PCYOX1: variants seen among roughly 807,000 people sequenced by gnomAD.
PCYOX1 encodes the protein prenylcysteine oxidase 1.
A neutral mutation model predicts 46.4 loss-of-function variants in PCYOX1; 46 were observed. That is an observed-to-expected ratio of 0.99 (90% CI 0.78 to 1.27). The LOEUF is 1.27. PCYOX1 is among the 50% of genes most tolerant of loss of function. The pLI, the probability that PCYOX1 is intolerant of heterozygous loss-of-function variation, is 0.00. For missense variants in PCYOX1, 658 were observed against 628.3 expected (o/e 1.05, Z -0.51); for synonymous variants, 220 against 231.8 (o/e 0.95, Z 0.46).
intron 4 of PCYOX1, 77 bp downstream of exon 4, chr2:70,275,247 T>C (rs1696654167): frequency 8.7e-6 from 11 of 1,258,442 alleles, no homozygotes; most frequent in Non-Finnish European, 1.2e-5. Flanking sequence ...TTCCTGACTT[T>C]AGGCTGTGGA....
rs759465610 is a variant in PCYOX1 at position 70,277,187 on chromosome 2, A to C, written c.1313A>C (p.His438Pro). Residue 438 changes from histidine to proline, a missense_variant, in exon 6 of 6, where the codon CAC (histidine) becomes CCC (proline). Transcript: ENST00000433351. ...AAGAAGCCATGGCTTGCATATCCTC[A>C]CTATAAGCCCCCGGAGAAATGCCCC... ...AVKKPWLAYP[H>P]YKPPEKCPSI... is the part of the protein sequence containing the mutation. 3 of 1,613,880 alleles carry C rather than the reference A, an allele frequency of 1.9e-6. No homozygotes were observed. Among genetic ancestry groups the C allele is most frequent in the Non-Finnish European group, 2.5e-6 (3 of 1,179,910 alleles).
chr2:70,273,182 T>A (rs1399646555), intron 3 of PCYOX1, among the ~76,000 whole-genome samples: 1 of 152,172 alleles, frequency 6.6e-6, no homozygotes, highest in African/African-American at 2.4e-5. Context: ...CATTAGTAGC[T>A]TATTTAATTG....
In PCYOX1 at chr2:70,271,503, G is replaced by A. The variant is rs3979428; in HGVS notation, c.495-3456G>A. Among the ~76,000 whole-genome samples, 19 of 152,080 alleles carry A rather than the reference G, an allele frequency of 1.2e-4. No homozygotes were observed. The East Asian group carries it at 3.5e-3, about 28-fold the overall frequency. ...GTCATATTTAAAATGCTTGAAAGGC[G>A]TGAATTCTCCATTAATGGAAAAGCA... On this transcript the variant is annotated intron_variant, in intron 3 of 5. Transcript: ENST00000433351.
In PCYOX1 at chr2:70,261,526, G is replaced by A. The variant is rs1696436266; in HGVS notation, c.494+140G>A. 31 of 620,292 alleles carry A rather than the reference G, an allele frequency of 5.0e-5. 1 individual carries two copies. The South Asian group carries it at 6.5e-4, about 13-fold the overall frequency. 38.4% of individuals were successfully genotyped at this position (620,292 alleles called of 1,614,324 possible). A position where few individuals can be genotyped will look rare whatever the true frequency, so the allele number is the denominator to read the frequency against. On this transcript the variant is annotated intron_variant, in intron 3 of 5. Transcript: ENST00000433351. ...TGTTTATAACATTGTTAGGCAAAAT[G>A]TTTTGTAGAAACTATGCAGACTATT...
In PCYOX1 at chr2:70,276,854, T is replaced by C. The variant is rs1559038171; in HGVS notation, c.980T>C (p.Leu327Pro). 1 of 1,613,762 alleles carries C rather than the reference T, an allele frequency of 6.2e-7. No individual in the cohort carries two copies. Among genetic ancestry groups the C allele is most frequent in the Non-Finnish European group, 8.5e-7 (1 of 1,179,656 alleles). ...CGAAAAATGTCGAATATTACTTTTC[T>C]CAACTTTGATCCTCCAATTGAGGAA... Reference protein sequence around the residue: ...LNRKMSNITFLNFDPPIEEFH... With the variant: ...LNRKMSNITFPNFDPPIEEFH... The change falls in exon 6 of 6, where the codon CTC (leucine) becomes CCC (proline). Residue 327 changes from leucine (L) to proline (P), a missense_variant. Leu to Pro is a moderately conservative substitution (Grantham distance 98). Coordinates refer to ENST00000433351, the MANE Select transcript of PCYOX1 (RefSeq NM_016297.4).
chr2:70,260,741 A>C (rs942416332), intron 2 of PCYOX1, among the ~76,000 whole-genome samples: 2 of 152,152 alleles, frequency 1.3e-5, no homozygotes, highest in African/African-American at 4.8e-5. Flanking sequence ...TGAAATATCC[A>C]GTTTTGCAAA....
intron 2 of PCYOX1, 80 bp from the exon 3 acceptor site, chr2:70,261,131 GC>G (rs1696429144): frequency 1.2e-6 from 1 of 830,926 alleles, no homozygotes; most frequent in South Asian, 1.8e-5. Flanking sequence ...ACTGAGGGAA[GC>G]CCCAAATTCA....
chr2:70,267,924 C>A (rs1696550943), intron 3 of PCYOX1, among the ~76,000 whole-genome samples: 1 of 152,104 alleles, frequency 6.6e-6, no homozygotes, highest in Non-Finnish European at 1.5e-5. Context: ...CAGTTCTCTG[C>A]CTCAGCCTCC....
intron 3 of PCYOX1, among the ~76,000 whole-genome samples, chr2:70,273,461 A>T (rs1404682833): frequency 6.6e-6 from 1 of 152,252 alleles, no homozygotes; most frequent in Non-Finnish European, 1.5e-5. Flanking sequence ...TGAAATGGTT[A>T]TAATACTGTC....
At position 70,261,267 on chromosome 2, in the gene PCYOX1, T is replaced by G. The variant is rs200026922; in HGVS notation, c.375T>G (p.Thr125=). The G allele has an allele frequency of 2.5e-6, 4 of 1,611,246 alleles. No individual in the cohort carries two copies. The Admixed American group carries it at 6.7e-5, about 27-fold the overall frequency. Residue 125 remains threonine (T), a synonymous_variant, in exon 3 of 6, where the codon ACT becomes ACG. Transcript: ENST00000433351. The part of the protein sequence containing the change: ...GGLLGIYNGE[T]LVFEESNWFI... ...TACTGGGGATATATAATGGAGAGAC[T>G]CTGGTATTTGAGGAGAGCAACTGGT...
chr2:70,259,254 A>G, intron 1 of PCYOX1, 106 bp from the exon 2 acceptor site: 1 of 1,013,112 alleles, frequency 9.9e-7, no homozygotes, highest in Middle Eastern at 3.2e-4. Flanking sequence ...ATTGTTGGTA[A>G]TAGCTTTGAG....
At position 70,280,717 on chromosome 2, in the gene PCYOX1, G is replaced by A. The variant is rs532418208; in HGVS notation, c.*3325G>A. On this transcript the variant is annotated 3_prime_UTR_variant, in exon 6 of 6. Coordinates refer to ENST00000433351, the MANE Select transcript of PCYOX1 (RefSeq NM_016297.4). ...TTCACATCAGTTCTCCTTATTGATT[G>A]TTAGTTTGATCCCTCTTGTTCTTTT... The A allele has an allele frequency of 1.3e-5, 2 of 152,250 alleles. No homozygotes were observed. The highest frequency in any genetic ancestry group is 4.8e-5 in the African/African-American group (2 of 41,562). The allele number at this position is 152,250 out of a possible 1,614,324, so 9.4% of individuals were successfully genotyped here.
chr2:70,276,278 TCC>T (rs1696670399), intron 5 of PCYOX1, among the ~76,000 whole-genome samples: 1 of 151,438 alleles, frequency 6.6e-6, no homozygotes, highest in African/African-American at 2.4e-5. Context: ...CACGCCATTC[TCC>T]TGCCTCAGCG....
chr2:70,275,974 C>T (rs1488302791), intron 5 of PCYOX1, among the ~76,000 whole-genome samples: 1 of 151,428 alleles, frequency 6.6e-6, no homozygotes, highest in Admixed American at 6.6e-5. Flanking sequence ...GTGGCAGGTG[C>T]CTGTAATCCC....
At chr2:70,258,136 T>A, upstream of PCYOX1, 2 of 1,548,026 alleles carry the variant, frequency 1.3e-6, no homozygotes, top group South Asian at 2.3e-5. Flanking sequence ...GCGGGGCTCT[T>A]GAGGCCAGCT....
chr2:70,277,448 GAAC>G lies in PCYOX1; in HGVS notation c.*59_*61del, dbSNP rs2104901917. 2.2e-6 allele frequency: 3 copies of G among 1,364,434 alleles called. No individual in the cohort carries two copies. The highest frequency in any genetic ancestry group is 4.6e-5 in the East Asian group (2 of 43,208). 84.5% of individuals were successfully genotyped at this position (1,364,434 alleles called of 1,614,324 possible). On this transcript the variant is annotated 3_prime_UTR_variant, in exon 6 of 6. Coordinates refer to ENST00000433351, the MANE Select transcript of PCYOX1 (RefSeq NM_016297.4). ...CCAAATGACTATCAGTGGCAAAAAA[GAAC>G]AAAATCTGAGCAGAGATGATTTTGA...
Position 70,274,488 on chromosome 2 carries a change from C to T in PCYOX1, c.495-471C>T, listed in dbSNP as rs561191030. On this transcript the variant is annotated intron_variant, in intron 3 of 5. Transcript: ENST00000433351. Reference sequence around the variant, plus strand: ...TAGGATTACAGGCATGAAACCACCGCGCCTGGCCTTACTTCTACTTTTTAT... The same window carrying T: ...TAGGATTACAGGCATGAAACCACCGTGCCTGGCCTTACTTCTACTTTTTAT... Among the ~76,000 whole-genome samples the T allele has an allele frequency of 6.6e-5, 10 of 151,600 alleles. No individual in the cohort carries two copies. In the South Asian group the frequency reaches 1.3e-3, roughly 19 times the overall value.
In PCYOX1 at chr2:70,259,401, T is replaced by C. The variant is rs1454585921; in HGVS notation, c.154T>C (p.Tyr52His). ...AATTGGTGGCACTTCAGCAGCCTAT[T>C]ACCTGCGGCAGAAATTTGGGAAAGA... ...AGIGGTSAAY[Y>H]LRQKFGKDVK... The change falls in exon 2 of 6, where the codon TAC (tyrosine) becomes CAC (histidine). Residue 52 changes from tyrosine (Y) to histidine (H), a missense_variant. By Grantham distance (83) the Tyr-to-His change is moderately conservative (BLOSUM62 2). Coordinates refer to ENST00000433351, the MANE Select transcript of PCYOX1 (RefSeq NM_016297.4). The C allele has an allele frequency of 6.2e-7, 1 of 1,614,196 alleles. No homozygotes were observed. The highest frequency in any genetic ancestry group is 1.1e-5 in the South Asian group (1 of 91,088).
chr2:70,277,637 A>G lies in PCYOX1; in HGVS notation c.*245A>G. On this transcript the variant is annotated 3_prime_UTR_variant, in exon 6 of 6. Transcript: ENST00000433351. Reference sequence around the variant, plus strand: ...ACTATCCATTAGGAGTTTTTCTTAAACTTGTCTGATAATAAGAATCACCTG... The same window carrying G: ...ACTATCCATTAGGAGTTTTTCTTAAGCTTGTCTGATAATAAGAATCACCTG... 1 of 382,170 alleles carries G rather than the reference A, an allele frequency of 2.6e-6. No individual in the cohort carries two copies. 23.7% of individuals were successfully genotyped at this position (382,170 alleles called of 1,614,324 possible). A position where few individuals can be genotyped will look rare whatever the true frequency, so the allele number is the denominator to read the frequency against.
Sources: allele counts gnomAD v4.1 joint callset (sites outside exome capture counted in the v4.1 genomes callset), GRCh38; gene constraint gnomAD v4.1.1; transcripts MANE v1.5; gene names NCBI Gene and HGNC (gene_info 2026-07-23, HGNC 2026-07-21).